TRMT61B: variants seen among roughly 807,000 people sequenced by gnomAD.
TRMT61B encodes tRNA methyltransferase 61B, also known as tRNA (adenine(58)-N(1))-methyltransferase, mitochondrial.
Under a neutral mutation model 52.0 loss-of-function variants are expected in TRMT61B, and 56 were observed. The observed-to-expected ratio is 1.08, with a 90% CI of 0.87 to 1.35. The LOEUF (loss-of-function observed/expected upper bound fraction) is 1.35. Among genes scored for constraint, TRMT61B ranks in the 40% most tolerant of loss-of-function variants. The probability of loss-of-function intolerance (pLI) is 0.00; values close to 1 mark genes in which losing one functional copy is unlikely to be tolerated. For missense variants in TRMT61B, 650 were observed against 577.9 expected (o/e 1.12, Z -1.28); for synonymous variants, 206 against 220.0 (o/e 0.94, Z 0.56).
chr2:28,850,472 T>TA lies in TRMT61B; in HGVS notation c.1313-68dup. On this transcript the variant is annotated intron_variant, in intron 5 of 6. Coordinates refer to ENST00000306108, the MANE Select transcript of TRMT61B (RefSeq NM_017910.4). ...TTTTCTATTTTTTTCACAAAACTGT[T>TA]AAAATATGAGTTACTCTCTTTATTG... The TA allele has an allele frequency of 2.8e-6, 3 of 1,068,318 alleles. No homozygotes were observed. In the South Asian group the frequency reaches 4.5e-5, roughly 16 times the overall value. 66.2% of individuals were successfully genotyped at this position (1,068,318 alleles called of 1,614,324 possible). A position where few individuals can be genotyped will look rare whatever the true frequency, so the allele number is the denominator to read the frequency against.
intron 2 of TRMT61B, 108 bp downstream of exon 2, chr2:28,864,909 C>A: frequency 1.6e-6 from 1 of 631,014 alleles, no homozygotes; most frequent in Non-Finnish European, 2.8e-6. Context: ...TAGGAGAATG[C>A]TACCTCAATG....
chr2:28,852,591 C>A, intron 3 of TRMT61B, 92 bp from the exon 4 acceptor site: 1 of 794,114 alleles, frequency 1.3e-6, no homozygotes, highest in Admixed American at 2.5e-5. Flanking sequence ...CACTTTTGGA[C>A]AGCAATCAAA....
rs1304949104 is a variant in TRMT61B at position 28,852,430 on chromosome 2, C to CACCA, written c.1059_1062dup (p.Val355TrpfsTer15). On this transcript the variant is annotated frameshift_variant, in exon 4 of 7. Transcript: ENST00000306108. LOFTEE classifies it high-confidence loss of function. ...CACTTTACTACATATACAGCACATA[C>CACCA]ACCACCATGCTTAAGATGTGGGTAA... The CACCA allele has an allele frequency of 3.7e-6, 6 of 1,604,946 alleles. No homozygotes were observed. The highest frequency in any genetic ancestry group is 5.1e-6 in the Non-Finnish European group (6 of 1,173,622).
intron 1 of TRMT61B, 49 bp downstream of exon 1, chr2:28,869,530 G>A (rs1558352607): frequency 7.5e-7 from 1 of 1,338,340 alleles, no homozygotes; most frequent in Admixed American, 1.8e-5. Context: ...TACTGCATCT[G>A]TCTTTGCCCC....
chr2:28,864,181 C>A (rs1669730522), intron 2 of TRMT61B, among the ~76,000 whole-genome samples: 1 of 152,124 alleles, frequency 6.6e-6, no homozygotes, highest in Non-Finnish European at 1.5e-5. Flanking sequence ...TGATTAATTT[C>A]TTTATGAACA....
chr2:28,867,911 G>C (rs1401319869), intron 1 of TRMT61B, among the ~76,000 whole-genome samples: 1 of 151,978 alleles, frequency 6.6e-6, no homozygotes, highest in Non-Finnish European at 1.5e-5. Flanking sequence ...GATTAGCTAG[G>C]CATAGTGGCA....
At chr2:28,860,588 T>G (rs1669560635) in intron 3 of TRMT61B, among the ~76,000 whole-genome samples, 1 of 152,196 alleles carries the variant, frequency 6.6e-6, no homozygotes, top group African/African-American at 2.4e-5. Context: ...CTAAGTCAAC[T>G]TCCCAGTGTT....
At chr2:28,852,364 C>G in intron 4 of TRMT61B, 44 bp downstream of exon 4, 1 of 1,078,054 alleles carries the variant, frequency 9.3e-7, no homozygotes, top group South Asian at 1.6e-5. Context: ...AGCAAAAGTG[C>G]ACTTAAAAGT....
At chr2:28,865,681 T>C (rs866445155) in intron 1 of TRMT61B, among the ~76,000 whole-genome samples, 1,989 of 147,628 alleles carry the variant, frequency 0.013, 29 homozygotes, top group Non-Finnish European at 0.022. Context: ...CCTTTTTTTT[T>C]TTTTTTTTTT....
chr2:28,854,540 G>C (rs1010965110), intron 3 of TRMT61B, among the ~76,000 whole-genome samples: 1 of 152,074 alleles, frequency 6.6e-6, no homozygotes. Context: ...ACGAGTTCAA[G>C]ACCAGCCTGG....
chr2:28,858,831 G>A (rs1230520392), intron 3 of TRMT61B, among the ~76,000 whole-genome samples: 22 of 149,818 alleles, frequency 1.5e-4, no homozygotes, highest in Non-Finnish European at 3.1e-4. Context: ...AAAAGCTCCG[G>A]ATTTTTTCAG....
rs1030508985 is a variant in TRMT61B at position 28,851,184 on chromosome 2, C to T, written c.1200G>A (p.Gln400=). ...VRDWLVCLAK[Q]KNGILAQKVE... ...CTTTTTGAGCTAAAATTCCATTTTTCTGTTTTGCAAGGCAAACCAACCAAT... is the reference window on the plus strand; with the variant it reads ...CTTTTTGAGCTAAAATTCCATTTTTTTGTTTTGCAAGGCAAACCAACCAAT... Residue 400 remains glutamine (Q), a synonymous_variant, in exon 5 of 7, where the codon CAG becomes CAA. Transcript: ENST00000306108. 6.2e-7 allele frequency: 1 copy of T among 1,612,520 alleles called. No individual in the cohort carries two copies. The highest frequency in any genetic ancestry group is 1.3e-5 in the African/African-American group (1 of 74,810).
rs1669581353 is a variant in TRMT61B, at chr2:28,861,141, T to C, written c.970A>G (p.Ile324Val). 8 of 1,603,918 alleles carry C rather than the reference T, an allele frequency of 5.0e-6. No homozygotes were observed. Among genetic ancestry groups the C allele is most frequent in the Admixed American group, 1.8e-5 (1 of 56,924 alleles). Residue 324 changes from isoleucine to valine, a missense_variant, in exon 3 of 7, where the codon ATA becomes GTA. Coordinates refer to ENST00000306108, the MANE Select transcript of TRMT61B (RefSeq NM_017910.4). Reference sequence around the variant, plus strand: ...ACTGCGTCAAATGTTAAAGATTTTATGTCTTCGGTTGCTCCTGAAATGTCC... The same window carrying C: ...ACTGCGTCAAATGTTAAAGATTTTACGTCTTCGGTTGCTCCTGAAATGTCC... Reference protein sequence around the residue: ...HKDISGATEDIKSLTFDAVAL... With the variant: ...HKDISGATEDVKSLTFDAVAL...
intron 3 of TRMT61B, among the ~76,000 whole-genome samples, chr2:28,859,537 T>C (rs1669506667): frequency 1.3e-5 from 2 of 152,346 alleles, no homozygotes; most frequent in African/African-American, 4.8e-5. Context: ...TAATTATTTA[T>C]GAACACCAAC....
At chr2:28,860,534 CTT>C (rs2148137177) in intron 3 of TRMT61B, among the ~76,000 whole-genome samples, 1 of 152,202 alleles carries the variant, frequency 6.6e-6, no homozygotes, top group African/African-American at 2.4e-5. Context: ...TGTATCCTCT[CTT>C]GTCATCTATC....
intron 2 of TRMT61B, 101 bp from the exon 3 acceptor site, chr2:28,861,409 A>T (rs961032444): frequency 1.1e-6 from 1 of 915,566 alleles, no homozygotes; most frequent in African/African-American, 1.7e-5. Flanking sequence ...TGAAAAAAAT[A>T]ATTCAAATAG....
At position 28,861,206 on chromosome 2, in the gene TRMT61B, T is replaced by C. The variant is rs1427759287; in HGVS notation, c.905A>G (p.His302Arg). ...KHWRDSWKLS[H>R]VEEWPDNVDF... is the part of the protein sequence containing the mutation. ...CACATTGTCTGGCCACTCTTCTACA[T>C]GACTTAATTTCCATGAATCACGCCA... The change falls in exon 3 of 7, where the codon CAT becomes CGT. Residue 302 changes from histidine to arginine, a missense_variant. Transcript: ENST00000306108. 5 of 1,613,994 alleles carry C rather than the reference T, an allele frequency of 3.1e-6. No individual in the cohort carries two copies. The Admixed American group carries it at 6.7e-5, about 22-fold the overall frequency.
Position 28,869,777 on chromosome 2 carries a change from T to A in TRMT61B, c.501A>T (p.Lys167Asn). The A allele has an allele frequency of 6.2e-7, 1 of 1,614,156 alleles. No homozygotes were observed. Reference protein sequence around the residue: ...ILAETGEGETKFKKLFRLNNF... With the variant: ...ILAETGEGETNFKKLFRLNNF... Reference sequence around the variant, plus strand: ...TGTTCAACCTAAATAATTTCTTAAATTTTGTTTCTCCCTCCCCAGTCTCAG... The same window carrying A: ...TGTTCAACCTAAATAATTTCTTAAAATTTGTTTCTCCCTCCCCAGTCTCAG... The change falls in exon 1 of 7, where the codon AAA becomes AAT. Residue 167 changes from lysine to asparagine, a missense_variant. By Grantham distance (94) the Lys-to-Asn change is moderately conservative (BLOSUM62 0). Transcript: ENST00000306108.
chr2:28,865,695 T>G (rs1271911246), intron 1 of TRMT61B, among the ~76,000 whole-genome samples: 5 of 53,754 alleles, frequency 9.3e-5, no homozygotes, highest in African/African-American at 3.7e-4. Flanking sequence ...TTTTTTTTTT[T>G]GGGAGACGAA....
Sources: allele counts gnomAD v4.1 joint callset (sites outside exome capture counted in the v4.1 genomes callset), GRCh38; gene constraint gnomAD v4.1.1; transcripts MANE v1.5; gene names NCBI Gene and HGNC (gene_info 2026-07-23, HGNC 2026-07-21).